MATN3: variants seen among roughly 807,000 people sequenced by gnomAD.
The protein encoded by MATN3 is matrilin-3.
Under a neutral mutation model 45.3 loss-of-function variants are expected in MATN3, and 48 were observed. The ratio of observed to expected loss-of-function variants is 1.06; its 90% confidence interval spans 0.84 to 1.35. MATN3 has a LOEUF of 1.35. Ranked by LOEUF, MATN3 falls within the 40% of genes most tolerant of loss-of-function variation. MATN3 has a pLI of 0.00. For synonymous variants in MATN3, 217 were observed against 245.9 expected, an observed-to-expected ratio of 0.88 and a Z score of 1.10; for missense variants, 599 against 628.0, an observed-to-expected ratio of 0.95 and a Z score of 0.49.
intron 3 of MATN3, among the ~76,000 whole-genome samples, chr2:20,002,958 A>T (rs1340835958): frequency 6.6e-6 from 1 of 152,188 alleles, no homozygotes; most frequent in Non-Finnish European, 1.5e-5. Flanking sequence ...CTTACAAAGT[A>T]TGGAAATAAG....
chr2:20,012,668 C>A lies in MATN3; in HGVS notation c.-37G>T. ...TGGGCCTGGTGGTGTCCGTCGGGGG[C>A]CAGGAGCCCACGCGAGGCTCGGATT... On this transcript the variant is annotated 5_prime_UTR_variant, in exon 1 of 8. Coordinates refer to ENST00000407540, the MANE Select transcript of MATN3 (RefSeq NM_002381.5). This position sits in a 1 kb window ranked among gnomAD's most constrained non-coding sequence, Gnocchi z 4.3. 9.6e-7 allele frequency: 1 copy of A among 1,040,678 alleles called. No individual in the cohort carries two copies. Among genetic ancestry groups the A allele is most frequent in the East Asian group, 3.5e-5 (1 of 28,740 alleles). The allele number at this position is 1,040,678 out of a possible 1,614,324, so 64.5% of individuals were successfully genotyped here. A position where few individuals can be genotyped will look rare whatever the true frequency, so the allele number is the denominator to read the frequency against.
At chr2:20,010,066 C>CAAAAAAAAAAAAAAAAAAAA (rs1558376342) in intron 1 of MATN3, among the ~76,000 whole-genome samples, 8 of 5,556 alleles carry the variant, frequency 1.4e-3, no homozygotes, top group African/African-American at 2.3e-3. Flanking sequence ...TCTTCAAATA[C>CAAAAAAAAAAAAAAAAAAAA]TAAAAAAAAA....
Position 20,005,750 on chromosome 2 carries a change from A to G in MATN3, c.784T>C (p.Phe262Leu), listed in dbSNP as rs1673087803. 1 of 1,595,768 alleles carries G rather than the reference A, an allele frequency of 6.3e-7. No homozygotes were observed. Among genetic ancestry groups the G allele is most frequent in the Non-Finnish European group, 8.6e-7 (1 of 1,167,814 alleles). The change falls in exon 2 of 8, where the codon TTC becomes CTC. Residue 262 changes from phenylalanine to leucine, a missense_variant. Physicochemically the swap from Phe to Leu is conservative, Grantham distance 22. Transcript: ENST00000407540. ...EKLSSRFQETFCALDPCVLGT... is the reference protein window; with the variant it reads ...EKLSSRFQETLCALDPCVLGT... ...CAAAGACTGACCAACTTACCACAGA[A>G]GGTTTCCTGGAATCTAGAGGAAAGT...
At chr2:19,999,340 TC>T (rs1672937920) in intron 5 of MATN3, 1 of 152,174 alleles carries the variant, frequency 6.6e-6, no homozygotes, top group Admixed American at 6.6e-5. Context: ...CTCAAGCCAG[TC>T]CCCCGCCAGT....
chr2:20,007,299 C>T (rs1461349329), intron 1 of MATN3, among the ~76,000 whole-genome samples: 2 of 152,036 alleles, frequency 1.3e-5, no homozygotes, highest in East Asian at 1.9e-4. Context: ...GAGGCCGAGG[C>T]GGGAGGATCA....
In MATN3 at chr2:20,000,421, A is replaced by G; in HGVS notation, c.1168+20T>C. ...ATGTGAAAGACCCAAGTATGAAAGAATTTTTTGAGTGGATCTTACCTGAAC... is the reference window on the plus strand; with the variant it reads ...ATGTGAAAGACCCAAGTATGAAAGAGTTTTTTGAGTGGATCTTACCTGAAC... On this transcript the variant is annotated intron_variant, in intron 5 of 7. Transcript: ENST00000407540. 1.9e-6 allele frequency: 3 copies of G among 1,585,062 alleles called. No homozygotes were observed. Among genetic ancestry groups the G allele is most frequent in the Non-Finnish European group, 8.6e-7 (1 of 1,168,936 alleles).
rs201491595 is a variant in MATN3, at chr2:20,005,863, C to T, written c.671G>A (p.Arg224Gln). 253 of 1,608,740 alleles carry T rather than the reference C, an allele frequency of 1.6e-4. No individual in the cohort carries two copies. Among genetic ancestry groups the T allele is most frequent in the Middle Eastern group, 3.3e-4 (2 of 6,056 alleles). Residue 224 changes from arginine (R) to glutamine (Q), a missense_variant, in exon 2 of 8, where the codon CGG becomes CAG. Transcript: ENST00000407540. ...CATCTTGAGGGACGCCATGTCTGCC[C>T]GGTCCACGCCCACAGCATAGAGCTC... ...GIELYAVGVD[R>Q]ADMASLKMMA...
chr2:20,002,242 C>T (rs140128957), intron 3 of MATN3, among the ~76,000 whole-genome samples, 162 bp from the exon 4 acceptor site: 54 of 152,030 alleles, frequency 3.6e-4, no homozygotes, highest in Non-Finnish European at 6.3e-4. Context: ...ACCAACCCTC[C>T]GGTCTTGGCT....
rs1268133545 is a variant in MATN3 at position 20,012,129 on chromosome 2, G to GGCAGCAGCCCCTGC, written c.223+266_223+279dup. Among the ~76,000 whole-genome samples, 19 of 152,286 alleles carry GGCAGCAGCCCCTGC rather than the reference G, an allele frequency of 1.2e-4. No individual in the cohort carries two copies. The highest frequency in any genetic ancestry group is 4.6e-4 in the African/African-American group (19 of 41,568). ...GGACGGAGCTTAGCAGCAGCCGCTG[G>GGCAGCAGCCCCTGC]GCAGCAGCCCCTGCGCTCCCCAGCT... On this transcript the variant is annotated intron_variant, in intron 1 of 7. Coordinates refer to ENST00000407540, the MANE Select transcript of MATN3 (RefSeq NM_002381.5). This position sits in a 1 kb window ranked among gnomAD's most constrained non-coding sequence, Gnocchi z 4.3.
At chr2:20,000,381 T>C in intron 5 of MATN3, 60 bp downstream of exon 5, 11 of 1,498,762 alleles carry the variant, frequency 7.3e-6, no homozygotes, top group Non-Finnish European at 7.3e-6. Context: ...TGCTGGTGAG[T>C]TGCAAGTTGG....
rs977064120 is a variant in MATN3 at position 19,998,779 on chromosome 2, T to A, written c.1169-1520A>T. Among the ~76,000 whole-genome samples the A allele has an allele frequency of 4.9e-4, 70 of 143,198 alleles. 2 individuals are homozygous for A. The highest frequency in any genetic ancestry group is 2.4e-3 in the East Asian group (11 of 4,522). The allele number at this position is 143,198 out of a possible 152,430, so 93.9% of individuals were successfully genotyped here. ...TCAAAAAAGAGAAGAAAAAAAAATA[T>A]ATATATATATAACTAACTTTCCCAC... On this transcript the variant is annotated intron_variant, in intron 5 of 7. Transcript: ENST00000407540.
Position 20,005,773 on chromosome 2 carries a change from A to G in MATN3, c.761T>C (p.Leu254Pro). The G allele has an allele frequency of 6.2e-7, 1 of 1,603,598 alleles. No individual in the cohort carries two copies. The highest frequency in any genetic ancestry group is 1.3e-5 in the African/African-American group (1 of 74,792). ...YVETYGVIEK[L>P]SSRFQETFCA... The stretch of plus-strand genomic sequence containing the variant: ...GAAGGTTTCCTGGAATCTAGAGGAA[A>G]GTTTCTCAATGACCCCATAGGTCTC... Residue 254 changes from leucine (L) to proline (P), a missense_variant, in exon 2 of 8, where the codon CTT (leucine) becomes CCT (proline). By Grantham distance (98) the Leu-to-Pro change is moderately conservative (BLOSUM62 -3). Transcript: ENST00000407540.
chr2:20,003,174 C>G lies in MATN3; in HGVS notation c.903G>C (p.Lys301Asn), dbSNP rs200161462. The G allele has an allele frequency of 9.9e-6, 16 of 1,613,874 alleles. No homozygotes were observed. The East Asian group carries it at 1.3e-4, about 13-fold the overall frequency. ...CACAGGCCTCACCTGAACACGTTTT[C>G]TTGTCGGCATTCAAGGTGTATCCTT... ...CSQGYTLNADKKTCSALDRCA... is the reference protein window; with the variant it reads ...CSQGYTLNADNKTCSALDRCA... Residue 301 changes from lysine (K) to asparagine (N), a missense_variant, in exon 3 of 8, where the codon AAG becomes AAC. Lys to Asn is a moderately conservative substitution (Grantham distance 94). Transcript: ENST00000407540.
chr2:19,996,861 ATGTGTAT>A (rs1672880176), intron 6 of MATN3, among the ~76,000 whole-genome samples: 1 of 152,220 alleles, frequency 6.6e-6, no homozygotes, highest in Non-Finnish European at 1.5e-5. Flanking sequence ...GGTAAATTGT[ATGTGTAT>A]TTTACCACAA....
rs758060697 is a variant in MATN3 at position 20,003,149 on chromosome 2, C to CT, written c.916+11_916+12insA. ...TATTTGATTCAGTCACGGCCCCCTA[C>CT]ACAGGCCTCACCTGAACACGTTTTC... is the stretch of plus-strand genomic sequence containing the variant. On this transcript the variant is annotated intron_variant, in intron 3 of 7. Coordinates refer to ENST00000407540, the MANE Select transcript of MATN3 (RefSeq NM_002381.5). 3.7e-6 allele frequency: 6 copies of CT among 1,613,782 alleles called. No individual in the cohort carries two copies. In the Admixed American group the frequency reaches 1.0e-4, roughly 27 times the overall value.
At chr2:20,003,115 G>A (rs772626324) in intron 3 of MATN3, 46 bp downstream of exon 3, 5 of 1,608,338 alleles carry the variant, frequency 3.1e-6, no homozygotes, top group Non-Finnish European at 4.3e-6. Flanking sequence ...TGGAGCATAG[G>A]TTCCCAAGTA....
intron 3 of MATN3, among the ~76,000 whole-genome samples, chr2:20,002,471 T>A (rs1673004883): frequency 6.6e-6 from 1 of 152,240 alleles, no homozygotes; most frequent in Non-Finnish European, 1.5e-5. Flanking sequence ...ACTTCTTTGC[T>A]ACTTCTAGAT....
chr2:20,004,904 T>C (rs1306252414), intron 2 of MATN3, among the ~76,000 whole-genome samples: 1 of 152,146 alleles, frequency 6.6e-6, no homozygotes, highest in African/African-American at 2.4e-5. Context: ...CAAAAGATTA[T>C]CTCCAGATGA....
In MATN3 at chr2:20,011,431, AC is replaced by A. The variant is rs144934686; in HGVS notation, c.223+977del. Among the ~76,000 whole-genome samples, 288 of 152,306 alleles carry A rather than the reference AC, an allele frequency of 1.9e-3. 3 individuals are homozygous for A. The East Asian group carries it at 0.023, about 12-fold the overall frequency. On this transcript the variant is annotated intron_variant, in intron 1 of 7. Coordinates refer to ENST00000407540, the MANE Select transcript of MATN3 (RefSeq NM_002381.5). ...CAAATCTGCCACTTCAAATACGGGG[AC>A]TGAGTATTTGAGTCAGGAAAGAGTC... is the stretch of plus-strand genomic sequence containing the variant.
Sources: allele counts gnomAD v4.1 joint callset (sites outside exome capture counted in the v4.1 genomes callset), GRCh38; gene constraint gnomAD v4.1.1; non-coding constraint Gnocchi (gnomAD v3.1); transcripts MANE v1.5; gene names NCBI Gene and HGNC (gene_info 2026-07-23, HGNC 2026-07-21).